The following ANKHD1 variants were observed in gnomAD, a reference collection of about 807,000 sequenced individuals.
ANKHD1 encodes the protein ankyrin repeat and KH domain containing 1, also known as ankyrin repeat and KH domain-containing protein 1.
ANKHD1 carries 31 observed loss-of-function variants against 230.5 expected under a neutral mutation model. The ratio of observed to expected loss-of-function variants is 0.13; its 90% confidence interval spans 0.10 to 0.18. The LOEUF (loss-of-function observed/expected upper bound fraction) is 0.18, where lower values mean the gene tolerates loss of function less well. ANKHD1 is among the 10% of genes least tolerant of loss of function. The pLI is 1.00. For missense variants in ANKHD1, 2,256 were observed against 3,071.3 expected, an observed-to-expected ratio of 0.73 and a Z score of 6.27; for synonymous variants, 1,074 against 1,117.6, an observed-to-expected ratio of 0.96 and a Z score of 0.78.
chr5:140,469,299 T>C (rs1776322401), intron 10 of ANKHD1, among the ~76,000 whole-genome samples: 1 of 146,516 alleles, frequency 6.8e-6, no homozygotes, highest in African/African-American at 2.6e-5. Flanking sequence ...GCCCAGGAGT[T>C]CAAACCAGCC....
At chr5:140,433,129 C>T (rs1773186091) in intron 1 of ANKHD1, among the ~76,000 whole-genome samples, 1 of 152,008 alleles carries the variant, frequency 6.6e-6, no homozygotes, top group Non-Finnish European at 1.5e-5. Flanking sequence ...AGTGCAGTGC[C>T]ACAGTCTCAG....
At chr5:140,449,138 A>T in intron 6 of ANKHD1, 73 bp from the exon 7 acceptor site, 1 of 1,439,140 alleles carries the variant, frequency 6.9e-7, no homozygotes. Flanking sequence ...CTGAAGAAAA[A>T]GATTCCATAC....
intron 7 of ANKHD1, among the ~76,000 whole-genome samples, chr5:140,449,836 T>C (rs1010738513): frequency 6.6e-6 from 1 of 152,210 alleles, no homozygotes; most frequent in Admixed American, 6.5e-5. Context: ...GACATAGTTC[T>C]AGTGTTTTTA....
intron 1 of ANKHD1, among the ~76,000 whole-genome samples, chr5:140,420,537 A>ATTCT (rs1431324510): frequency 6.6e-6 from 1 of 152,170 alleles, no homozygotes; most frequent in African/African-American, 2.4e-5. Flanking sequence ...GTCTAACTTG[A>ATTCT]TTCTTTTGAA....
At position 140,482,677 on chromosome 5, in the gene ANKHD1, G is replaced by A. The variant is rs1427738894; in HGVS notation, c.1870+10G>A. On this transcript the variant is annotated intron_variant, in intron 11 of 33. Coordinates refer to ENST00000360839, the MANE Select transcript of ANKHD1 (RefSeq NM_017747.3). ...TTTCTTATTAGCAAAGGTAAAGAAAGGGCAAGTGATCATTTCCAAGAGGCT... is the reference window on the plus strand; with the variant it reads ...TTTCTTATTAGCAAAGGTAAAGAAAAGGCAAGTGATCATTTCCAAGAGGCT... The A allele has an allele frequency of 6.2e-7, 1 of 1,609,592 alleles. No individual in the cohort carries two copies. The highest frequency in any genetic ancestry group is 8.5e-7 in the Non-Finnish European group (1 of 1,178,696).
At chr5:140,452,881 G>A (rs1161139048) in intron 7 of ANKHD1, among the ~76,000 whole-genome samples, 8 of 152,160 alleles carry the variant, frequency 5.3e-5, no homozygotes, top group South Asian at 2.1e-4. Context: ...TGACTTTAAC[G>A]AATTGAGAGA....
chr5:140,466,327 G>A (rs1030108489), intron 10 of ANKHD1, among the ~76,000 whole-genome samples: 1 of 151,794 alleles, frequency 6.6e-6, no homozygotes, highest in African/African-American at 2.4e-5. Context: ...GGAGGTGGAG[G>A]TTGCAGTGAG....
chr5:140,455,549 G>C (rs933924564), intron 7 of ANKHD1, among the ~76,000 whole-genome samples: 2 of 152,034 alleles, frequency 1.3e-5, no homozygotes, highest in Non-Finnish European at 2.9e-5. Context: ...GGGATGCAAG[G>C]CTGGTTCAAC....
chr5:140,451,700 G>A (rs903635725), intron 7 of ANKHD1, among the ~76,000 whole-genome samples: 24 of 151,998 alleles, frequency 1.6e-4, no homozygotes, highest in African/African-American at 5.8e-4. Context: ...GTAGGAACAT[G>A]GTTTCACCCT....
chr5:140,532,400 T>C (rs1235417556), intron 29 of ANKHD1, among the ~76,000 whole-genome samples: 4 of 151,830 alleles, frequency 2.6e-5, no homozygotes, highest in Admixed American at 2.0e-4. Context: ...GAAGGGGTGA[T>C]TGGAGGGTGG....
chr5:140,473,272 C>T (rs1750767238), intron 10 of ANKHD1, among the ~76,000 whole-genome samples: 1 of 151,958 alleles, frequency 6.6e-6, no homozygotes, highest in African/African-American at 2.4e-5. Flanking sequence ...TTGTGATCTA[C>T]CCGCCTCGGC....
At chr5:140,408,838 C>T (rs544108965) in intron 1 of ANKHD1, among the ~76,000 whole-genome samples, 90 of 152,252 alleles carry the variant, frequency 5.9e-4, no homozygotes, top group Non-Finnish European at 1.0e-3. Flanking sequence ...TCTGCTTCAG[C>T]CTCCCAAGTA....
At chr5:140,475,532 G>T (rs1342610905) in intron 10 of ANKHD1, among the ~76,000 whole-genome samples, 1 of 152,004 alleles carries the variant, frequency 6.6e-6, no homozygotes, top group Non-Finnish European at 1.5e-5. Flanking sequence ...TCATATCCAG[G>T]TTGTATGTAA....
In ANKHD1 at chr5:140,427,604, C is replaced by A. The variant is rs752106893; in HGVS notation, c.307-8500C>A. ...CGGCTGGCCGGGCGGGGGGCTGACG[C>A]CCCCACCTCCCTCCCGGACGGGGCG... is the stretch of plus-strand genomic sequence containing the variant. On this transcript the variant is annotated intron_variant, in intron 1 of 33. Transcript: ENST00000360839. Among the ~76,000 whole-genome samples the A allele has an allele frequency of 6.4e-3, 920 of 144,188 alleles. 2 individuals are homozygous for A. The highest frequency in any genetic ancestry group is 0.01 in the Non-Finnish European group (668 of 65,218). 94.6% of individuals were successfully genotyped at this position (144,188 alleles called of 152,430 possible). A position where few individuals can be genotyped will look rare whatever the true frequency, so the allele number is the denominator to read the frequency against.
At chr5:140,535,573 T>G in intron 30 of ANKHD1, 35 bp downstream of exon 30, 1 of 1,544,950 alleles carries the variant, frequency 6.5e-7, no homozygotes, top group Non-Finnish European at 8.7e-7. Flanking sequence ...CCAAAGAGTT[T>G]TGAATAAGTT....
chr5:140,464,388 G>A (rs955967784), intron 9 of ANKHD1, among the ~76,000 whole-genome samples: 4 of 152,072 alleles, frequency 2.6e-5, no homozygotes, highest in African/African-American at 9.7e-5. Flanking sequence ...TCTGAAAAAT[G>A]CTTAATATTT....
intron 1 of ANKHD1, among the ~76,000 whole-genome samples, chr5:140,428,824 C>T (rs1772773592): frequency 6.6e-6 from 1 of 151,566 alleles, no homozygotes; most frequent in African/African-American, 2.4e-5. Context: ...GCTCTGTTGC[C>T]CAGGTTAGAG....
chr5:140,459,130 G>T (rs199558842), intron 8 of ANKHD1, 34 bp from the exon 9 acceptor site: 3 of 1,465,220 alleles, frequency 2.0e-6, no homozygotes, highest in South Asian at 1.5e-5. Context: ...TAAGTCTCTT[G>T]CAACTAATTT....
chr5:140,526,903 G>T lies in ANKHD1; in HGVS notation c.4941-25G>T. On this transcript the variant is annotated intron_variant, in intron 26 of 33. Coordinates refer to ENST00000360839, the MANE Select transcript of ANKHD1 (RefSeq NM_017747.3). ...TCTATCTTAAAACTTATCTTTTATTGTACTTGCTATTTGTCTCTTCTTAGA... is the reference window on the plus strand; with the variant it reads ...TCTATCTTAAAACTTATCTTTTATTTTACTTGCTATTTGTCTCTTCTTAGA... The T allele has an allele frequency of 1.3e-6, 2 of 1,595,656 alleles. 1 individual carries two copies. The highest frequency in any genetic ancestry group is 2.3e-5 in the South Asian group (2 of 87,528).
Sources: allele counts gnomAD v4.1 joint callset (sites outside exome capture counted in the v4.1 genomes callset), GRCh38; gene constraint gnomAD v4.1.1; transcripts MANE v1.5; gene names NCBI Gene and HGNC (gene_info 2026-07-23, HGNC 2026-07-21).